TXNL1: variants seen among roughly 807,000 people sequenced by gnomAD.
TXNL1 encodes the protein thioredoxin-like protein 1.
In TXNL1, 14 loss-of-function variants were observed where a neutral mutation model predicts 35.5. The ratio of observed to expected loss-of-function variants is 0.39; its 90% CI spans 0.26 to 0.62. TXNL1 has a LOEUF of 0.62. TXNL1 is among the 20% of genes least tolerant of loss of function. The probability of loss-of-function intolerance (pLI) is 0.47; values close to 1 mark genes in which losing one functional copy is unlikely to be tolerated. For missense variants in TXNL1, 263 were observed against 349.7 expected (o/e 0.75, Z 1.98); for synonymous variants, 110 against 115.5 (o/e 0.95, Z 0.31).
At chr18:56,603,973 A>C (rs370878176) in intron 7 of TXNL1, among the ~76,000 whole-genome samples, 1 of 152,152 alleles carries the variant, frequency 6.6e-6, no homozygotes, top group Non-Finnish European at 1.5e-5. Flanking sequence ...AAAACTCATA[A>C]AGGTCATCAG....
chr18:56,619,167 T>A (rs1468338086), intron 3 of TXNL1, among the ~76,000 whole-genome samples: 1 of 148,870 alleles, frequency 6.7e-6, no homozygotes, highest in African/African-American at 2.5e-5. Flanking sequence ...TAAGCTGAAA[T>A]TGCGCCATTG....
At chr18:56,616,784 A>C (rs1568102873) in intron 4 of TXNL1, among the ~76,000 whole-genome samples, 2 of 152,170 alleles carry the variant, frequency 1.3e-5, no homozygotes, top group Admixed American at 1.3e-4. Context: ...AACTCAAGAG[A>C]ATAGGGTTCT....
At position 56,600,942 on chromosome 18, in the gene TXNL1, A is replaced by G. The variant is rs968205841; in HGVS notation, c.*2085T>C. 1.3e-5 allele frequency: 2 copies of G among 152,242 alleles called. No individual in the cohort carries two copies. The highest frequency in any genetic ancestry group is 4.8e-5 in the African/African-American group (2 of 41,472). The allele number at this position is 152,242 out of a possible 1,614,324, so 9.4% of individuals were successfully genotyped here. On this transcript the variant is annotated 3_prime_UTR_variant, in exon 8 of 8. Coordinates refer to ENST00000217515, the MANE Select transcript of TXNL1 (RefSeq NM_004786.3). ...ACCTGATGTCAATGTATCAAAATAC[A>G]GAGATCATGAAATTCTTTTTTGCTA...
At chr18:56,613,172 T>C (rs2024025550) in intron 6 of TXNL1, among the ~76,000 whole-genome samples, 1 of 152,174 alleles carries the variant, frequency 6.6e-6, no homozygotes, top group African/African-American at 2.4e-5. Context: ...ACTATGTATA[T>C]TCTGTGAAAC....
intron 3 of TXNL1, among the ~76,000 whole-genome samples, chr18:56,621,825 C>T (rs1464771947): frequency 2.6e-5 from 4 of 151,704 alleles, no homozygotes; most frequent in African/African-American, 7.3e-5. Flanking sequence ...CATGGTGAAA[C>T]CCCCTCTCTA....
Position 56,638,382 on chromosome 18 carries a change from G to C in TXNL1, c.59C>G (p.Ala20Gly). Residue 20 changes from alanine to glycine, a missense_variant, in exon 1 of 8, where the codon GCG becomes GGG. Ala to Gly is a moderately conservative substitution (Grantham distance 60, BLOSUM62 0). Transcript: ENST00000217515. ...CTTGACCACGGCGAGTCTGGAGCCC[G>C]CGCCGCTCAGCTCTGGCTGGAAATC... The part of the protein sequence containing the change: ...DPDFQPELSG[A>G]GSRLAVVKFT... 3 of 1,613,638 alleles carry C rather than the reference G, an allele frequency of 1.9e-6. No homozygotes were observed. The highest frequency in any genetic ancestry group is 2.5e-6 in the Non-Finnish European group (3 of 1,179,760).
chr18:56,616,097 A>T, intron 5 of TXNL1, 148 bp downstream of exon 5: 1 of 613,458 alleles, frequency 1.6e-6, no homozygotes, highest in Non-Finnish European at 2.7e-6. Flanking sequence ...GCACCACCGC[A>T]CTCCAGCCTG....
At chr18:56,607,158 A>ATT (rs958413292) in intron 7 of TXNL1, among the ~76,000 whole-genome samples, 16 of 60,480 alleles carry the variant, frequency 2.6e-4, no homozygotes, top group Admixed American at 1.2e-3. Context: ...TGCCTGGGTA[A>ATT]TTTTGTGTGT....
chr18:56,631,377 C>T (rs1209243165), intron 1 of TXNL1, among the ~76,000 whole-genome samples: 1 of 152,122 alleles, frequency 6.6e-6, no homozygotes, highest in Non-Finnish European at 1.5e-5. Context: ...TTTTCTCTTG[C>T]ACACACCTTG....
chr18:56,637,017 A>G (rs1404870259), intron 1 of TXNL1, among the ~76,000 whole-genome samples: 2 of 152,190 alleles, frequency 1.3e-5, no homozygotes, highest in African/African-American at 2.4e-5. Flanking sequence ...TATATATATG[A>G]CATCACTTAT....
At chr18:56,638,286 T>A in intron 1 of TXNL1, 57 bp downstream of exon 1, 4 of 1,481,184 alleles carry the variant, frequency 2.7e-6, no homozygotes, top group South Asian at 1.3e-5. Flanking sequence ...CAACAAAGAG[T>A]GAAAGGAAAG....
chr18:56,615,327 A>C (rs571731306), intron 5 of TXNL1, among the ~76,000 whole-genome samples: 1 of 151,664 alleles, frequency 6.6e-6, no homozygotes, highest in South Asian at 2.1e-4. Context: ...ATGAAAATTT[A>C]GCAGAACAAA....
chr18:56,626,672 T>C (rs889382774), intron 1 of TXNL1, among the ~76,000 whole-genome samples: 1 of 151,324 alleles, frequency 6.6e-6, no homozygotes, highest in South Asian at 2.1e-4. Flanking sequence ...AATTTTTGTA[T>C]TTTTAGTAGA....
chr18:56,612,234 T>C (rs182657997), intron 6 of TXNL1, among the ~76,000 whole-genome samples: 39 of 152,082 alleles, frequency 2.6e-4, no homozygotes, highest in African/African-American at 3.1e-4. Flanking sequence ...CAGACTATCA[T>C]TGGAAATTTT....
intron 6 of TXNL1, among the ~76,000 whole-genome samples, chr18:56,614,079 G>T (rs1446495742): frequency 2.6e-5 from 4 of 151,992 alleles, no homozygotes; most frequent in Non-Finnish European, 5.9e-5. Context: ...TTCAAGAAAA[G>T]TAAATAAGAT....
chr18:56,638,473 G>T lies in TXNL1; in HGVS notation c.-33C>A, dbSNP rs376761734. The stretch of plus-strand genomic sequence containing the variant: ...GAGAGCCCGGCAGGGTGGCCGCGAC[G>T]CCACTGGCTTTGAAACTGAAGGAGA... On this transcript the variant is annotated 5_prime_UTR_variant, in exon 1 of 8. Transcript: ENST00000217515. 20 of 1,595,370 alleles carry T rather than the reference G, an allele frequency of 1.3e-5. No homozygotes were observed. In the African/African-American group the frequency reaches 2.1e-4, roughly 17 times the overall value.
At chr18:56,623,791 G>C (rs2024230258) in intron 3 of TXNL1, among the ~76,000 whole-genome samples, 1 of 150,684 alleles carries the variant, frequency 6.6e-6, no homozygotes, top group Non-Finnish European at 1.5e-5. Context: ...AACAAAATCA[G>C]TAATTAGACT....
chr18:56,603,017 C>T lies in TXNL1; in HGVS notation c.*10G>A. The T allele has an allele frequency of 6.2e-7, 1 of 1,613,752 alleles. No homozygotes were observed. Among genetic ancestry groups the T allele is most frequent in the Non-Finnish European group, 8.5e-7 (1 of 1,179,788 alleles). ...TGATTGCAATATGGTTGTCCAGTGT[C>T]TTTTGTACCTTAGTGGCTTTCTCCT... On this transcript the variant is annotated 3_prime_UTR_variant, in exon 8 of 8. Coordinates refer to ENST00000217515, the MANE Select transcript of TXNL1 (RefSeq NM_004786.3).
At chr18:56,615,774 T>C (rs2024076064) in intron 5 of TXNL1, among the ~76,000 whole-genome samples, 1 of 152,198 alleles carries the variant, frequency 6.6e-6, no homozygotes, top group African/African-American at 2.4e-5. Flanking sequence ...TAAGTTCTCT[T>C]TCTTTCATAC....
Sources: gnomAD v4.1 joint callset for allele counts (sites outside exome capture counted in the v4.1 genomes callset) on GRCh38, gnomAD v4.1.1 for gene constraint, MANE v1.5 for transcripts, NCBI Gene and HGNC (gene_info 2026-07-23, HGNC 2026-07-21) for gene names.